Variants in PRDX2 observed in about 807,000 individuals in gnomAD.
PRDX2 encodes the protein peroxiredoxin 2.
In PRDX2, 10 loss-of-function variants were observed where a neutral mutation model predicts 19.8. The ratio of observed to expected loss-of-function variants is 0.50; its 90% CI spans 0.31 to 0.86. The LOEUF is 0.86. Among genes scored for constraint, PRDX2 ranks in the 40% least tolerant of loss-of-function variants. The probability of loss-of-function intolerance (pLI) is 0.04; values close to 1 mark genes in which losing one functional copy is unlikely to be tolerated. For missense variants in PRDX2, 226 were observed against 260.1 expected, an observed-to-expected ratio of 0.87 and a Z score of 0.90; for synonymous variants, 118 against 108.2, an observed-to-expected ratio of 1.09 and a Z score of -0.56.
intron 3 of PRDX2, chr19:12,800,633 C>A: frequency 7.4e-7 from 1 of 1,351,538 alleles, no homozygotes; most frequent in Non-Finnish European, 9.8e-7. Flanking sequence ...CTGGAGTTTC[C>A]ATCTTCATGA....
At chr19:12,797,459 T>A (rs1968810655) in intron 5 of PRDX2, among the ~76,000 whole-genome samples, 1 of 151,630 alleles carries the variant, frequency 6.6e-6, no homozygotes, top group South Asian at 2.1e-4. Context: ...TAGCTGGAAT[T>A]ACAGAGGTGC....
Position 12,800,188 on chromosome 19 carries a change from G to A in PRDX2, c.369C>T (p.Gly123=), listed in dbSNP as rs1328668304. 1.9e-6 allele frequency: 3 copies of A among 1,613,744 alleles called. No homozygotes were observed. The highest frequency in any genetic ancestry group is 2.7e-5 in the African/African-American group (2 of 74,922). The change falls in exon 4 of 6, where the codon GGC becomes GGT. Residue 123 remains glycine (G), a synonymous_variant. Transcript: ENST00000301522. ...GGGTCCCACAGTACCTGTAGGCAAT[G>A]CCCTCATCTGTTTTCAGCACGCCGT... The part of the protein sequence containing the change: ...EDYGVLKTDE[G]IAYRGLFIID...
intron 5 of PRDX2, chr19:12,799,657 GC>G (rs1968854193): frequency 1.7e-6 from 1 of 592,046 alleles, no homozygotes; most frequent in Non-Finnish European, 2.7e-6. Context: ...ACTGAGCCCG[GC>G]CCCTTTGTCC....
chr19:12,799,537 C>A (rs1968852509), intron 5 of PRDX2: 3 of 224,322 alleles, frequency 1.3e-5, no homozygotes, highest in Non-Finnish European at 2.7e-5. Context: ...TTTTTGTGTT[C>A]TTCGTAGAGA....
At position 12,800,900 on chromosome 19, in the gene PRDX2, T is replaced by G; in HGVS notation, c.257+16A>C. The G allele has an allele frequency of 6.3e-7, 1 of 1,597,836 alleles. No homozygotes were observed. Among genetic ancestry groups the G allele is most frequent in the Non-Finnish European group, 8.5e-7 (1 of 1,172,330 alleles). On this transcript the variant is annotated intron_variant, in intron 3 of 5. Coordinates refer to ENST00000301522, the MANE Select transcript of PRDX2 (RefSeq NM_005809.6). ...TGAGCTTAGCTGCAACCTCCCTCTT[T>G]GGCCCCTGCTCATACCAAGCCAGGT...
chr19:12,801,323 C>A, intron 1 of PRDX2, 53 bp from the exon 2 acceptor site: 9 of 1,543,974 alleles, frequency 5.8e-6, no homozygotes, highest in Middle Eastern at 1.7e-4. Flanking sequence ...TCCTCCCAAC[C>A]CAAGGTCGCG....
rs765936562 is a variant in PRDX2 at position 12,797,167 on chromosome 19, CTG to C, written c.512-3_512-2del. ...CCAGGCTTCCAGCCAGCGGGACAAA[CTG>C]TGGGAAGACACAAGGATGCACATGA... On this transcript the variant is annotated splice_acceptor_variant and splice_polypyrimidine_tract_variant and intron_variant, in intron 5 of 5. Transcript: ENST00000301522. LOFTEE classifies it high-confidence loss of function. The C allele has an allele frequency of 1.2e-6, 2 of 1,613,842 alleles. No homozygotes were observed. Among genetic ancestry groups the C allele is most frequent in the South Asian group, 1.1e-5 (1 of 91,056 alleles).
At position 12,796,869 on chromosome 19, in the gene PRDX2, C is replaced by T; in HGVS notation, c.*212G>A. ...TGGTTACCTCTAGGCCTGTGTGCGG[C>T]TGGGTGGGCTTGGGGGAGGGCGTCA... On this transcript the variant is annotated 3_prime_UTR_variant, in exon 6 of 6. Coordinates refer to ENST00000301522, the MANE Select transcript of PRDX2 (RefSeq NM_005809.6). 1 of 571,258 alleles carries T rather than the reference C, an allele frequency of 1.8e-6. No homozygotes were observed. The highest frequency in any genetic ancestry group is 3.1e-6 in the Non-Finnish European group (1 of 318,152). 35.4% of individuals were successfully genotyped at this position (571,258 alleles called of 1,614,324 possible).
chr19:12,799,146 G>T (rs532640340), intron 5 of PRDX2, among the ~76,000 whole-genome samples: 1 of 151,158 alleles, frequency 6.6e-6, no homozygotes, highest in Non-Finnish European at 1.5e-5. Flanking sequence ...TGATCTGCCC[G>T]CCTCGGCCTC....
At chr19:12,800,061 C>T in intron 4 of PRDX2, 72 bp from the exon 5 acceptor site, 4 of 1,600,606 alleles carry the variant, frequency 2.5e-6, no homozygotes, top group Non-Finnish European at 3.4e-6. Flanking sequence ...GACTACCAAC[C>T]ACCCGCTGCT....
rs771122939 is a variant in PRDX2, at chr19:12,796,895, C to T, written c.*186G>A. The T allele has an allele frequency of 3.3e-5, 20 of 597,118 alleles. No individual in the cohort carries two copies. The highest frequency in any genetic ancestry group is 5.6e-5 in the Non-Finnish European group (19 of 337,200). The allele number at this position is 597,118 out of a possible 1,614,324, so 37.0% of individuals were successfully genotyped here. ...TGGGTGGGCTTGGGGGAGGGCGTCACTATTCAGCTTCTAGGTGGAGGCATG... is the reference window on the plus strand; with the variant it reads ...TGGGTGGGCTTGGGGGAGGGCGTCATTATTCAGCTTCTAGGTGGAGGCATG... On this transcript the variant is annotated 3_prime_UTR_variant, in exon 6 of 6. Transcript: ENST00000301522.
chr19:12,798,706 A>G lies in PRDX2; in HGVS notation c.511+1153T>C, dbSNP rs979405824. Among the ~76,000 whole-genome samples the G allele has an allele frequency of 2.2e-3, 326 of 150,080 alleles. 1 individual carries two copies. Among genetic ancestry groups the G allele is most frequent in the African/African-American group, 7.5e-3 (303 of 40,632 alleles). Reference sequence around the variant, plus strand: ...ACCCCATCTCTTAAAAAAAAAAAAAAAGAGATGGGGTATTGCTATGTTGCC... The same window carrying G: ...ACCCCATCTCTTAAAAAAAAAAAAAGAGAGATGGGGTATTGCTATGTTGCC... On this transcript the variant is annotated intron_variant, in intron 5 of 5. Transcript: ENST00000301522.
chr19:12,801,128 T>A, intron 2 of PRDX2, 31 bp downstream of exon 2: 1 of 1,613,870 alleles, frequency 6.2e-7, no homozygotes, highest in Non-Finnish European at 8.5e-7. Context: ...CGGCCCCGCT[T>A]CTACCTGGGC....
intron 1 of PRDX2, 150 bp downstream of exon 1, chr19:12,801,590 G>T (rs1968900034): frequency 2.3e-6 from 1 of 439,960 alleles, no homozygotes; most frequent in Non-Finnish European, 4.2e-6. Context: ...TCAGGCCTGC[G>T]CTGCAAGGCT....
rs746669088 is a variant in PRDX2, at chr19:12,800,238, C to T, written c.319G>A (p.Val107Met). The T allele has an allele frequency of 2.4e-5, 39 of 1,613,756 alleles. No individual in the cohort carries two copies. Among genetic ancestry groups the T allele is most frequent in the East Asian group, 8.9e-5 (4 of 44,894 alleles). The change falls in exon 4 of 6, where the codon GTG becomes ATG. Residue 107 changes from valine to methionine, a missense_variant. Coordinates refer to ENST00000301522, the MANE Select transcript of PRDX2 (RefSeq NM_005809.6). Reference sequence around the variant, plus strand: ...TAATCCTCAGACAAGCGTCTGGTCACGTCAGCAAGCAGGGGGATGTTCAGG... The same window carrying T: ...TAATCCTCAGACAAGCGTCTGGTCATGTCAGCAAGCAGGGGGATGTTCAGG... ...GPLNIPLLAD[V>M]TRRLSEDYGV...
At chr19:12,800,471 T>C (rs10427027) in intron 3 of PRDX2, 172 bp from the exon 4 acceptor site, 118,142 of 909,506 alleles carry the variant, frequency 0.13, 12,083 homozygotes, top group African/African-American at 0.48. Flanking sequence ...TGTATCCCCA[T>C]GGCTGGGAAG....
At position 12,801,206 on chromosome 19, in the gene PRDX2, G is replaced by T; in HGVS notation, c.56C>A (p.Ala19Glu). The T allele has an allele frequency of 6.2e-7, 1 of 1,614,030 alleles. No individual in the cohort carries two copies. The highest frequency in any genetic ancestry group is 8.5e-7 in the Non-Finnish European group (1 of 1,180,032). The change falls in exon 2 of 6, where the codon GCG (alanine) becomes GAG (glutamate). Residue 19 changes from alanine (A) to glutamate (E), a missense_variant. Transcript: ENST00000301522. ...GKPAPDFKAT[A>E]VVDGAFKEVK... ...CTCTTTGAAGGCGCCATCAACCACC[G>T]CTGTGGCCTTGAAGTCAGGGGCTGG...
At position 12,800,788 on chromosome 19, in the gene PRDX2, A is replaced by G. The variant is rs1284897699; in HGVS notation, c.257+128T>C. On this transcript the variant is annotated intron_variant, in intron 3 of 5. Coordinates refer to ENST00000301522, the MANE Select transcript of PRDX2 (RefSeq NM_005809.6). Reference sequence around the variant, plus strand: ...ATCATCCTTAAAGACTTGGGCGGCAATGTTTCCATTATTTTCACGATGGGG... The same window carrying G: ...ATCATCCTTAAAGACTTGGGCGGCAGTGTTTCCATTATTTTCACGATGGGG... The G allele has an allele frequency of 4.5e-6, 7 of 1,547,482 alleles. No individual in the cohort carries two copies. In the East Asian group the frequency reaches 9.8e-5, roughly 22 times the overall value.
intron 3 of PRDX2, 34 bp from the exon 4 acceptor site, chr19:12,800,333 G>C (rs754733038): frequency 6.3e-7 from 1 of 1,599,878 alleles, no homozygotes; most frequent in South Asian, 1.1e-5. Flanking sequence ...GGGGCCTCAG[G>C]ATGCCTGGCA....
Sources: gnomAD v4.1 joint callset for allele counts (sites outside exome capture counted in the v4.1 genomes callset) on GRCh38, gnomAD v4.1.1 for gene constraint, MANE v1.5 for transcripts, NCBI Gene and HGNC (gene_info 2026-07-23, HGNC 2026-07-21) for gene names.